The following OGDH variants were observed in gnomAD, a reference collection of about 807,000 sequenced individuals.
OGDH encodes the protein 2-oxoglutarate dehydrogenase complex component E1.
In OGDH, 38 loss-of-function variants were observed where a neutral mutation model predicts 116.6. That is an observed-to-expected ratio of 0.33 (90% CI 0.25 to 0.43). The LOEUF is 0.43. Among genes scored for constraint, OGDH ranks in the 20% least tolerant of loss-of-function variants. The pLI is 1.00. For synonymous variants in OGDH, 488 were observed against 533.3 expected, an observed-to-expected ratio of 0.92 and a Z score of 1.17; for missense variants, 825 against 1,357.2, an observed-to-expected ratio of 0.61 and a Z score of 6.16.
intron 4 of OGDH, among the ~76,000 whole-genome samples, chr7:44,651,674 G>GAACCCT (rs1786449874): frequency 6.6e-6 from 1 of 151,876 alleles, no homozygotes; most frequent in African/African-American, 2.4e-5. Flanking sequence ...TGATTCTCCT[G>GAACCCT]CCTCAACCTC....
chr7:44,631,169 A>G (rs180706182), intron 2 of OGDH, among the ~76,000 whole-genome samples: 2 of 152,348 alleles, frequency 1.3e-5, no homozygotes, highest in East Asian at 3.9e-4. Flanking sequence ...ACTATTTTCA[A>G]TCCACGTTTG....
intron 4 of OGDH, among the ~76,000 whole-genome samples, chr7:44,651,538 T>C (rs1786441596): frequency 6.6e-6 from 1 of 152,184 alleles, no homozygotes; most frequent in South Asian, 2.1e-4. Context: ...TAAAAAATAT[T>C]GTTGAGATGG....
intron 19 of OGDH, among the ~76,000 whole-genome samples, chr7:44,701,164 AGCC>A (rs1450299510): frequency 6.6e-6 from 1 of 152,218 alleles, no homozygotes; most frequent in Non-Finnish European, 1.5e-5. Flanking sequence ...AGGGCAGGAC[AGCC>A]CTGGTGCTTC....
chr7:44,655,815 T>C (rs185810780), intron 4 of OGDH, among the ~76,000 whole-genome samples: 1 of 152,222 alleles, frequency 6.6e-6, no homozygotes, highest in Non-Finnish European at 1.5e-5. Context: ...CTTCTTGAAA[T>C]GGGAGATCAA....
chr7:44,642,696 G>T (rs1217930118), intron 2 of OGDH, among the ~76,000 whole-genome samples: 5 of 152,136 alleles, frequency 3.3e-5, no homozygotes, highest in Admixed American at 3.3e-4. Flanking sequence ...GGCCAAGGCG[G>T]GTGGATCACA....
intron 2 of OGDH, among the ~76,000 whole-genome samples, chr7:44,644,075 T>G (rs976707218): frequency 2.0e-5 from 3 of 152,188 alleles, no homozygotes; most frequent in Non-Finnish European, 2.9e-5. Context: ...CCTGGTGGCG[T>G]GCTCCTGTAA....
At chr7:44,695,373 G>A (rs918599510) in intron 12 of OGDH, among the ~76,000 whole-genome samples, 1 of 151,886 alleles carries the variant, frequency 6.6e-6, no homozygotes, top group Non-Finnish European at 1.5e-5. Flanking sequence ...TGGGATTATA[G>A]GCATGAGCCA....
chr7:44,662,445 C>CTTTCT (rs1159773572), intron 4 of OGDH, among the ~76,000 whole-genome samples: 31 of 148,184 alleles, frequency 2.1e-4, no homozygotes, highest in Admixed American at 1.6e-3. Flanking sequence ...TGTGCCATTT[C>CTTTCT]TTTCTTTTCT....
rs1788515983 is a variant in OGDH at position 44,694,969 on chromosome 7, T to C, written c.1668+393T>C. Among the ~76,000 whole-genome samples, 1 of 151,902 alleles carries C rather than the reference T, an allele frequency of 6.6e-6. No individual in the cohort carries two copies. ...GAGTGGGAAGGCCAAGCAGCTGCCCTAGAGAGGGAGAGGGTGGGTGTGAGG... is the reference window on the plus strand; with the variant it reads ...GAGTGGGAAGGCCAAGCAGCTGCCCCAGAGAGGGAGAGGGTGGGTGTGAGG... On this transcript the variant is annotated intron_variant, in intron 12 of 22. Coordinates refer to ENST00000222673, the MANE Select transcript of OGDH (RefSeq NM_002541.4). The surrounding 1 kb of genome is among the most constrained non-coding windows in gnomAD (Gnocchi z 4.2).
intron 2 of OGDH, among the ~76,000 whole-genome samples, chr7:44,624,823 C>T (rs574407478): frequency 5.9e-5 from 9 of 151,794 alleles, no homozygotes; most frequent in South Asian, 2.1e-4. Flanking sequence ...CCAGCATCTC[C>T]GCAAGGGCTG....
chr7:44,627,010 T>A (rs1282809855), intron 2 of OGDH, among the ~76,000 whole-genome samples: 3 of 152,142 alleles, frequency 2.0e-5, no homozygotes, highest in Non-Finnish European at 4.4e-5. Context: ...TTTTGTTTTG[T>A]TTTTGAGATG....
In OGDH at chr7:44,671,559, C is replaced by T. The variant is rs945229121; in HGVS notation, c.634-2228C>T. Among the ~76,000 whole-genome samples the T allele has an allele frequency of 5.3e-5, 8 of 150,598 alleles. No homozygotes were observed. The East Asian group carries it at 1.4e-3, about 26-fold the overall frequency. The stretch of plus-strand genomic sequence containing the variant: ...CGGGCGGATCACGAGGTCAGGAGAT[C>T]GAGACCATCCTGGCTAACACGGTGA... On this transcript the variant is annotated intron_variant, in intron 5 of 22. Coordinates refer to ENST00000222673, the MANE Select transcript of OGDH (RefSeq NM_002541.4).
chr7:44,636,207 G>A (rs1406069057), intron 2 of OGDH, among the ~76,000 whole-genome samples: 1 of 152,212 alleles, frequency 6.6e-6, no homozygotes, highest in African/African-American at 2.4e-5. Context: ...GGGCACTGGG[G>A]GGCTGTAGAG....
chr7:44,614,120 A>C (rs185347300), intron 1 of OGDH, among the ~76,000 whole-genome samples: 1 of 151,364 alleles, frequency 6.6e-6, no homozygotes, highest in East Asian at 1.9e-4. Flanking sequence ...TGTCTTTTTA[A>C]AATTTTTATT....
chr7:44,655,120 A>T lies in OGDH; in HGVS notation c.517+7361A>T, dbSNP rs185567431. Among the ~76,000 whole-genome samples the T allele has an allele frequency of 4.4e-3, 669 of 152,320 alleles. 5 individuals are homozygous for T. The highest frequency in any genetic ancestry group is 0.014 in the African/African-American group (602 of 41,568). On this transcript the variant is annotated intron_variant, in intron 4 of 22. Coordinates refer to ENST00000222673, the MANE Select transcript of OGDH (RefSeq NM_002541.4). ...TTTACCACATTGCCTTTAGATTTTT[A>T]AAAATGGGTATGAGTATTTAAGGTT...
At chr7:44,635,159 C>T (rs542473295) in intron 2 of OGDH, among the ~76,000 whole-genome samples, 14 of 152,250 alleles carry the variant, frequency 9.2e-5, no homozygotes, top group South Asian at 2.1e-4. Context: ...ACAGCAGCGC[C>T]GGCTGAACTC....
chr7:44,621,805 A>T (rs1390168514), intron 1 of OGDH, among the ~76,000 whole-genome samples: 3 of 151,416 alleles, frequency 2.0e-5, no homozygotes, highest in African/African-American at 7.3e-5. Context: ...CTGGGATGGG[A>T]GGTTGCACTG....
chr7:44,642,560 CAT>C (rs1785992220), intron 2 of OGDH, among the ~76,000 whole-genome samples: 1 of 152,186 alleles, frequency 6.6e-6, no homozygotes. Flanking sequence ...CTGTCTTCTA[CAT>C]CAGACAATAC....
At chr7:44,640,525 A>G (rs1004582043) in intron 2 of OGDH, among the ~76,000 whole-genome samples, 22 of 152,148 alleles carry the variant, frequency 1.4e-4, no homozygotes, top group Non-Finnish European at 2.8e-4. Flanking sequence ...TGATTTTGCT[A>G]TGACTTTTGG....
Sources: allele counts gnomAD v4.1 joint callset (sites outside exome capture counted in the v4.1 genomes callset), GRCh38; gene constraint gnomAD v4.1.1; non-coding constraint Gnocchi (gnomAD v3.1); transcripts MANE v1.5; gene names NCBI Gene and HGNC (gene_info 2026-07-23, HGNC 2026-07-21).